Variants in FOXN3 observed in about 807,000 individuals in gnomAD.
The protein encoded by FOXN3 is forkhead box N3.
FOXN3 carries 7 observed loss-of-function variants against 38.4 expected under a neutral mutation model. The observed-to-expected ratio is 0.18, with a 90% CI of 0.10 to 0.34. The LOEUF is 0.34. Among genes scored for constraint, FOXN3 ranks in the 10% least tolerant of loss-of-function variants. The probability of loss-of-function intolerance (pLI) is 1.00; values close to 1 mark genes in which losing one functional copy is unlikely to be tolerated. For synonymous variants in FOXN3, 230 were observed against 242.2 expected (o/e 0.95, Z 0.47); for missense variants, 456 against 613.4 (o/e 0.74, Z 2.71).
At chr14:89,267,768 GA>G (rs1306748775) in intron 4 of FOXN3, among the ~76,000 whole-genome samples, 2 of 152,150 alleles carry the variant, frequency 1.3e-5, no homozygotes, top group African/African-American at 4.8e-5. Context: ...TGTTAAAAGA[GA>G]AAATGTGTTC....
intron 1 of FOXN3, among the ~76,000 whole-genome samples, chr14:89,435,356 A>G (rs1177572011): frequency 6.6e-6 from 1 of 151,240 alleles, no homozygotes; most frequent in Non-Finnish European, 1.5e-5. Context: ...TGGGTGACAC[A>G]GCAAGACCCT....
rs116171926 is a variant in FOXN3 at position 89,381,333 on chromosome 14, G to T, written c.544-30525C>A. ...CCTTGGGTGACTCACAGGATACCTC[G>T]AACCCCGAGGCCTACAAAATCACAC... On this transcript the variant is annotated intron_variant, in intron 2 of 5. Transcript: ENST00000557258. Among the ~76,000 whole-genome samples, 433 of 151,800 alleles carry T rather than the reference G, an allele frequency of 2.9e-3. 1 individual carries two copies. Among genetic ancestry groups the T allele is most frequent in the African/African-American group, 9.9e-3 (408 of 41,380 alleles).
intron 5 of FOXN3, among the ~76,000 whole-genome samples, chr14:89,171,869 T>C (rs911726306): frequency 3.3e-5 from 5 of 152,158 alleles, no homozygotes; most frequent in Admixed American, 6.5e-5. Context: ...TCAGAGGTCC[T>C]GGACTGTGCA....
intron 1 of FOXN3, among the ~76,000 whole-genome samples, chr14:89,448,058 C>A (rs986038916): frequency 6.6e-6 from 1 of 151,856 alleles, no homozygotes; most frequent in African/African-American, 2.4e-5. Flanking sequence ...GTGATCCGCC[C>A]GCCTCGGCCT....
intron 4 of FOXN3, among the ~76,000 whole-genome samples, chr14:89,257,394 C>A (rs944094602): frequency 6.6e-6 from 1 of 152,182 alleles, no homozygotes; most frequent in Non-Finnish European, 1.5e-5. Flanking sequence ...GTTCCTTCCA[C>A]GAAGTTGGGC....
chr14:89,466,611 C>A (rs553380371), intron 1 of FOXN3, among the ~76,000 whole-genome samples: 5 of 152,146 alleles, frequency 3.3e-5, no homozygotes, highest in Non-Finnish European at 5.9e-5. Context: ...ACACCACCCG[C>A]AGCAGCAGTT....
intron 1 of FOXN3, among the ~76,000 whole-genome samples, chr14:89,472,968 T>G (rs907145034): frequency 2.0e-5 from 3 of 152,178 alleles, no homozygotes; most frequent in African/African-American, 2.4e-5. Context: ...CAGTAAAACC[T>G]GCTCCAAATG....
intron 2 of FOXN3, among the ~76,000 whole-genome samples, chr14:89,379,115 C>T (rs1351455118): frequency 6.6e-6 from 1 of 152,174 alleles, no homozygotes; most frequent in African/African-American, 2.4e-5. Flanking sequence ...TGGCTTTCTT[C>T]ACTTGGCATT....
intron 2 of FOXN3, among the ~76,000 whole-genome samples, chr14:89,381,398 T>G (rs930328735): frequency 6.6e-6 from 1 of 151,836 alleles, no homozygotes; most frequent in African/African-American, 2.4e-5. Context: ...CTAAAGCCTT[T>G]CCAACATCTG....
At chr14:89,383,034 T>TG (rs1311364109) in intron 2 of FOXN3, among the ~76,000 whole-genome samples, 1 of 147,938 alleles carries the variant, frequency 6.8e-6, no homozygotes, top group Non-Finnish European at 1.5e-5. Context: ...GTGGTGTTTT[T>TG]TTTTTTTTTT....
At position 89,412,390 on chromosome 14, in the gene FOXN3, G is replaced by A. The variant is rs1322269536; in HGVS notation, c.87C>T (p.Ser29=). The A allele has an allele frequency of 3.7e-6, 6 of 1,614,002 alleles. No individual in the cohort carries two copies. Among genetic ancestry groups the A allele is most frequent in the Non-Finnish European group, 2.5e-6 (3 of 1,180,016 alleles). ...SSGLSQCYGG[S]GFSKALQEDD... ...CTTCCTGAAGGGCCTTGGAGAAACCGCTGCCCCCGTAACACTGACTCAGTC... is the reference window on the plus strand; with the variant it reads ...CTTCCTGAAGGGCCTTGGAGAAACCACTGCCCCCGTAACACTGACTCAGTC... The change falls in exon 2 of 6, where the codon AGC becomes AGT. Residue 29 remains serine (S), a synonymous_variant. Coordinates refer to ENST00000557258, the MANE Select transcript of FOXN3 (RefSeq NM_005197.4). The surrounding 1 kb of genome is among the most constrained non-coding windows in gnomAD (Gnocchi z 4.7).
chr14:89,464,215 G>A (rs1033433605), intron 1 of FOXN3, among the ~76,000 whole-genome samples: 1 of 152,142 alleles, frequency 6.6e-6, no homozygotes, highest in Admixed American at 6.5e-5. Context: ...TATAGGAGGG[G>A]CCATGAGATT....
chr14:89,497,521 C>T (rs902650403), intron 1 of FOXN3, among the ~76,000 whole-genome samples: 8 of 151,030 alleles, frequency 5.3e-5, no homozygotes, highest in Admixed American at 2.0e-4. Flanking sequence ...ATTCTTCTGC[C>T]TCAGCCTCCC....
intron 1 of FOXN3, among the ~76,000 whole-genome samples, chr14:89,454,796 T>C (rs1262017835): frequency 1.3e-5 from 2 of 152,192 alleles, no homozygotes; most frequent in African/African-American, 4.8e-5. Flanking sequence ...CATTAAACAA[T>C]AACTTATAAT....
At chr14:89,216,735 G>A (rs1257376870) in intron 4 of FOXN3, among the ~76,000 whole-genome samples, 1 of 152,168 alleles carries the variant, frequency 6.6e-6, no homozygotes, top group Non-Finnish European at 1.5e-5. Context: ...TTTTATCCAT[G>A]ATGCCACCCA....
At chr14:89,170,567 C>T (rs545930232) in intron 5 of FOXN3, among the ~76,000 whole-genome samples, 44 of 152,272 alleles carry the variant, frequency 2.9e-4, no homozygotes, top group Admixed American at 1.6e-3. Flanking sequence ...TGAGCCACCA[C>T]GCCTGGCTGA....
chr14:89,198,018 A>T (rs1478168877), intron 4 of FOXN3, among the ~76,000 whole-genome samples: 1 of 152,308 alleles, frequency 6.6e-6, no homozygotes, highest in South Asian at 2.1e-4. Context: ...TGAAGAAAAA[A>T]TACAGTCAGC....
At chr14:89,595,756 A>G (rs1228820194) in intron 1 of FOXN3, among the ~76,000 whole-genome samples, 2 of 152,190 alleles carry the variant, frequency 1.3e-5, no homozygotes, top group Non-Finnish European at 2.9e-5. Context: ...TAGATGGCAG[A>G]TTTGTTTTTC....
intron 4 of FOXN3, among the ~76,000 whole-genome samples, chr14:89,233,598 C>G (rs931155284): frequency 2.6e-5 from 4 of 152,118 alleles, no homozygotes; most frequent in Admixed American, 1.3e-4. Context: ...TATGATCTGT[C>G]ATCCCCCTCC....
Sources: allele counts gnomAD v4.1 joint callset (sites outside exome capture counted in the v4.1 genomes callset), GRCh38; gene constraint gnomAD v4.1.1; non-coding constraint Gnocchi (gnomAD v3.1); transcripts MANE v1.5; gene names NCBI Gene and HGNC (gene_info 2026-07-23, HGNC 2026-07-21).